Variants in TMEM177 observed in about 807,000 individuals in gnomAD.
TMEM177 encodes transmembrane protein 177.
TMEM177 carries 4 observed loss-of-function variants against 14.2 expected under a neutral mutation model. The observed-to-expected ratio is 0.28, with a 90% confidence interval of 0.14 to 0.64. TMEM177 has a LOEUF of 0.64. TMEM177 is among the 30% of genes least tolerant of loss of function. TMEM177 has a pLI of 0.82. For missense variants in TMEM177, 344 were observed against 405.2 expected (o/e 0.85, Z 1.30); for synonymous variants, 179 against 174.5 (o/e 1.03, Z -0.20).
At chr2:119,704,502 G>A in the TMEM177 span, among the ~76,000 whole-genome samples, 2 of 152,104 alleles carry the variant, frequency 1.3e-5, no homozygotes, top group African/African-American at 4.8e-5. Flanking sequence ...GGAGGCTGAG[G>A]CAGGAGAATC....
At chr2:119,710,295 T>C in the TMEM177 span, among the ~76,000 whole-genome samples, 5 of 152,128 alleles carry the variant, frequency 3.3e-5, no homozygotes, top group Non-Finnish European at 7.4e-5. Context: ...ATAGGAGCAG[T>C]GTATTGGGCA....
chr2:119,718,617 C>T, the TMEM177 span, among the ~76,000 whole-genome samples: 5 of 152,212 alleles, frequency 3.3e-5, no homozygotes, highest in African/African-American at 1.2e-4. Flanking sequence ...GTCCTTACCA[C>T]GTGACTAGGT....
downstream of TMEM177, among the ~76,000 whole-genome samples, chr2:119,684,814 G>A (rs530706559): frequency 5.3e-5 from 8 of 152,308 alleles, no homozygotes; most frequent in Admixed American, 3.3e-4. Flanking sequence ...GTAGGGCACA[G>A]ATTACTACCT....
chr2:119,699,079 A>C, the TMEM177 span: 1 of 193,398 alleles, frequency 5.2e-6, no homozygotes, highest in African/African-American at 2.3e-5. Flanking sequence ...TGTCTGAACG[A>C]TGTCACTTTA....
the TMEM177 span, among the ~76,000 whole-genome samples, chr2:119,714,628 C>G: frequency 6.6e-6 from 1 of 152,352 alleles, no homozygotes; most frequent in Non-Finnish European, 1.5e-5. Flanking sequence ...AACTCTGTTC[C>G]TCAGACCCAG....
At chr2:119,698,570 G>A in the TMEM177 span, 1 of 156,834 alleles carries the variant, frequency 6.4e-6, no homozygotes, top group African/African-American at 2.4e-5. Context: ...TAGGATGGAA[G>A]TGAAACAGCA....
chr2:119,716,757 T>C, the TMEM177 span, among the ~76,000 whole-genome samples: 2 of 152,174 alleles, frequency 1.3e-5, no homozygotes, highest in Admixed American at 1.3e-4. Flanking sequence ...TGGGGGTCTC[T>C]CTCTTCTAGT....
the TMEM177 span, among the ~76,000 whole-genome samples, chr2:119,692,270 C>T: frequency 1.3e-5 from 2 of 152,218 alleles, no homozygotes; most frequent in African/African-American, 2.4e-5. Context: ...CTAAGATCTT[C>T]AGTTGAGCAA....
At chr2:119,697,281 T>C in the TMEM177 span, among the ~76,000 whole-genome samples, 1 of 152,206 alleles carries the variant, frequency 6.6e-6, no homozygotes, top group Non-Finnish European at 1.5e-5. Flanking sequence ...GGCTATTTGG[T>C]CAGGTGCTGT....
chr2:119,698,136 G>A, the TMEM177 span, among the ~76,000 whole-genome samples: 8 of 152,156 alleles, frequency 5.3e-5, no homozygotes, highest in East Asian at 1.9e-4. Flanking sequence ...AAGTCTCCCC[G>A]GTAATCTCTT....
chr2:119,708,931 C>T, the TMEM177 span, among the ~76,000 whole-genome samples: 1 of 152,236 alleles, frequency 6.6e-6, no homozygotes, highest in Non-Finnish European at 1.5e-5. Flanking sequence ...AACTAAGTCT[C>T]ATAATGACCT....
At chr2:119,697,158 A>G in the TMEM177 span, among the ~76,000 whole-genome samples, 1 of 152,190 alleles carries the variant, frequency 6.6e-6, no homozygotes, top group Non-Finnish European at 1.5e-5. Context: ...CTTGAATTGA[A>G]CCACAACAAA....
chr2:119,693,640 A>G, the TMEM177 span, among the ~76,000 whole-genome samples: 1 of 152,088 alleles, frequency 6.6e-6, no homozygotes, highest in Non-Finnish European at 1.5e-5. Flanking sequence ...GGAAGCCAAC[A>G]CTGAGGCTGA....
At chr2:119,720,765 T>A in the TMEM177 span, among the ~76,000 whole-genome samples, 1 of 152,254 alleles carries the variant, frequency 6.6e-6, no homozygotes, top group African/African-American at 2.4e-5. Context: ...TCTTATTGTT[T>A]AAGTTATTTT....
the TMEM177 span, among the ~76,000 whole-genome samples, chr2:119,695,622 A>G: frequency 6.6e-6 from 1 of 152,196 alleles, no homozygotes; most frequent in African/African-American, 2.4e-5. Context: ...CCAACCCAAA[A>G]GCATTTTGTG....
the TMEM177 span, among the ~76,000 whole-genome samples, chr2:119,697,342 C>T: frequency 2.0e-5 from 3 of 152,204 alleles, no homozygotes; most frequent in African/African-American, 7.2e-5. Flanking sequence ...TTGTGGGTCA[C>T]TTGAGCCTAG....
At chr2:119,704,077 C>A in the TMEM177 span, among the ~76,000 whole-genome samples, 2 of 152,222 alleles carry the variant, frequency 1.3e-5, no homozygotes, top group African/African-American at 4.8e-5. Flanking sequence ...TGTATTATTT[C>A]ACTAAACCCT....
chr2:119,699,855 CA>C, the TMEM177 span: 4 of 414,872 alleles, frequency 9.6e-6, no homozygotes, highest in East Asian at 6.7e-5. Flanking sequence ...GTCAGTGGTC[CA>C]AAAAGAGTGC....
downstream of TMEM177, chr2:119,686,341 C>G (rs1341982522): frequency 6.6e-6 from 1 of 152,176 alleles, no homozygotes; most frequent in Non-Finnish European, 1.5e-5. Flanking sequence ...GGAGTTGCTG[C>G]CCAAATACCA....
Sources: gnomAD v4.1 joint callset for allele counts (sites outside exome capture counted in the v4.1 genomes callset) on GRCh38, gnomAD v4.1.1 for gene constraint, MANE v1.5 for transcripts, NCBI Gene and HGNC (gene_info 2026-07-23, HGNC 2026-07-21) for gene names.